The following RTTN variants were observed in gnomAD, a reference collection of about 807,000 sequenced individuals.
The protein encoded by RTTN is rotatin.
A neutral mutation model predicts 269.2 loss-of-function variants in RTTN; 182 were observed. That is an observed-to-expected ratio of 0.68 (90% CI 0.60 to 0.76). The LOEUF is 0.76. Among genes scored for constraint, RTTN ranks in the 30% least tolerant of loss-of-function variants. The pLI is 0.00. For synonymous variants in RTTN, 1,006 were observed against 963.5 expected, an observed-to-expected ratio of 1.04 and a Z score of -0.82; for missense variants, 2,545 against 2,608.6, an observed-to-expected ratio of 0.98 and a Z score of 0.53.
intron 28 of RTTN, among the ~76,000 whole-genome samples, chr18:70,101,748 A>G (rs1233394230): frequency 6.6e-6 from 1 of 152,158 alleles, no homozygotes; most frequent in African/African-American, 2.4e-5. Context: ...ACTGCTTTAA[A>G]TGTGTCCCAG....
intron 10 of RTTN, among the ~76,000 whole-genome samples, chr18:70,180,951 C>A (rs1447120477): frequency 2.0e-5 from 3 of 152,118 alleles, no homozygotes; most frequent in African/African-American, 2.4e-5. Flanking sequence ...TAATAACGGG[C>A]AATCAAGAAA....
At chr18:70,015,126 T>C (rs1380047621) in intron 46 of RTTN, among the ~76,000 whole-genome samples, 2 of 151,912 alleles carry the variant, frequency 1.3e-5, no homozygotes, top group Non-Finnish European at 2.9e-5. Flanking sequence ...TTGCCCAGGC[T>C]GGAGTGCAGT....
intron 32 of RTTN, among the ~76,000 whole-genome samples, chr18:70,080,495 TA>T (rs1379374742): frequency 6.6e-6 from 1 of 152,160 alleles, no homozygotes; most frequent in East Asian, 1.9e-4. Context: ...CAAATAATGA[TA>T]GAAACAGATT....
At chr18:70,123,903 T>C (rs1055758896) in intron 25 of RTTN, among the ~76,000 whole-genome samples, 1 of 151,846 alleles carries the variant, frequency 6.6e-6, no homozygotes, top group Non-Finnish European at 1.5e-5. Flanking sequence ...GGAAAAGCAG[T>C]AGGAAAAGAA....
Position 70,088,172 on chromosome 18 carries a change from T to G in RTTN, c.4144-25A>C, listed in dbSNP as rs758132902. 6 of 1,583,216 alleles carry G rather than the reference T, an allele frequency of 3.8e-6. No homozygotes were observed. The Admixed American group carries it at 9.1e-5, about 24-fold the overall frequency. On this transcript the variant is annotated intron_variant, in intron 30 of 48. Coordinates refer to ENST00000640769, the MANE Select transcript of RTTN (RefSeq NM_173630.4). ...CCTGTTCAAATTAAAGAGAAAGTTGTTGAATCAAATAAGCCTTTTTCCTAA... is the reference window on the plus strand; with the variant it reads ...CCTGTTCAAATTAAAGAGAAAGTTGGTGAATCAAATAAGCCTTTTTCCTAA...
chr18:70,028,943 T>C, intron 42 of RTTN, 142 bp from the exon 43 acceptor site: 2 of 512,026 alleles, frequency 3.9e-6, no homozygotes, highest in Non-Finnish European at 6.9e-6. Context: ...TTGAGGGAAC[T>C]GACAGGCTAA....
At chr18:70,051,623 C>G (rs1282738010) in intron 38 of RTTN, 75 bp from the exon 39 acceptor site, 4 of 1,113,624 alleles carry the variant, frequency 3.6e-6, no homozygotes, top group Non-Finnish European at 1.3e-6. Context: ...TAAAACTTAC[C>G]ACAGACGCTT....
At chr18:70,118,575 C>T (rs991591439) in intron 26 of RTTN, among the ~76,000 whole-genome samples, 2 of 152,092 alleles carry the variant, frequency 1.3e-5, no homozygotes, top group African/African-American at 4.8e-5. Flanking sequence ...TACTTCCAAA[C>T]TCACTTTATG....
Position 70,087,610 on chromosome 18 carries a change from C to T in RTTN, c.4302+379G>A, listed in dbSNP as rs751909010. 2.0e-5 allele frequency among the ~76,000 whole-genome samples: 3 copies of T among 152,068 alleles called. No individual in the cohort carries two copies. In the East Asian group the frequency reaches 5.8e-4, roughly 29 times the overall value. The stretch of plus-strand genomic sequence containing the variant: ...TAAAATAGGGTTTATTTTTCCCTCT[C>T]ATGTTATATGATAAATACTACAAAG... On this transcript the variant is annotated intron_variant, in intron 31 of 48. Coordinates refer to ENST00000640769, the MANE Select transcript of RTTN (RefSeq NM_173630.4).
chr18:70,090,906 A>AGCATT (rs1391332961), intron 30 of RTTN, among the ~76,000 whole-genome samples: 4 of 152,186 alleles, frequency 2.6e-5, no homozygotes, highest in African/African-American at 9.7e-5. Context: ...ATTATCCTTG[A>AGCATT]GCATTAACAT....
chr18:70,090,495 TAA>T (rs2058816302), intron 30 of RTTN, among the ~76,000 whole-genome samples: 1 of 152,166 alleles, frequency 6.6e-6, no homozygotes, highest in Non-Finnish European at 1.5e-5. Context: ...AATGATTACA[TAA>T]AGAGATGAGG....
chr18:70,078,946 G>A (rs1210574912), intron 32 of RTTN, among the ~76,000 whole-genome samples: 1 of 152,138 alleles, frequency 6.6e-6, no homozygotes, highest in Admixed American at 6.6e-5. Context: ...AAACCAGGAA[G>A]AGCAAGTGTG....
chr18:70,070,200 G>C (rs1265109117), intron 34 of RTTN, among the ~76,000 whole-genome samples: 1 of 152,252 alleles, frequency 6.6e-6, no homozygotes, highest in Non-Finnish European at 1.5e-5. Flanking sequence ...CACAGTTCCT[G>C]TGCCATCCTG....
chr18:70,157,851 A>G (rs2060722741), intron 14 of RTTN, among the ~76,000 whole-genome samples: 1 of 152,200 alleles, frequency 6.6e-6, no homozygotes, highest in African/African-American at 2.4e-5. Context: ...GAGGAAAAAA[A>G]TCTCAGAGCT....
At chr18:70,157,330 A>G (rs1028769978) in intron 14 of RTTN, among the ~76,000 whole-genome samples, 19 of 152,344 alleles carry the variant, frequency 1.2e-4, no homozygotes, top group African/African-American at 4.3e-4. Flanking sequence ...CCCCAGGGTT[A>G]GAGCACACAG....
Position 70,193,453 on chromosome 18 carries a change from T to C in RTTN, c.842A>G (p.Asp281Gly), listed in dbSNP as rs2061729528. 1.3e-6 allele frequency: 2 copies of C among 1,502,940 alleles called. No individual in the cohort carries two copies. Among genetic ancestry groups the C allele is most frequent in the African/African-American group, 1.4e-5 (1 of 69,028 alleles). The allele number at this position is 1,502,940 out of a possible 1,614,324, so 93.1% of individuals were successfully genotyped here. Reference sequence around the variant, plus strand: ...CAAAGAAGAATTTTGGGAAACTGTGTCTGGGGAAACAAAGAAAAAATAAAA... The same window carrying C: ...CAAAGAAGAATTTTGGGAAACTGTGCCTGGGGAAACAAAGAAAAAATAAAA... Reference protein sequence around the residue: ...RDPGFFSNKHDTVSQNSSLSY... With the variant: ...RDPGFFSNKHGTVSQNSSLSY... Residue 281 changes from aspartate to glycine, a missense_variant and splice_region_variant, in exon 8 of 49, where the codon GAC becomes GGC. Transcript: ENST00000640769.
intron 11 of RTTN, among the ~76,000 whole-genome samples, chr18:70,171,211 T>C (rs1419580692): frequency 6.6e-6 from 1 of 152,212 alleles, no homozygotes; most frequent in Non-Finnish European, 1.5e-5. Flanking sequence ...TGAGGGCTAC[T>C]GTCAGTCCTG....
Position 70,069,305 on chromosome 18 carries a change from T to C in RTTN, c.4654-3383A>G, listed in dbSNP as rs76744048. Among the ~76,000 whole-genome samples the C allele has an allele frequency of 2.8e-3, 430 of 152,314 alleles. 2 individuals carry two copies. The highest frequency in any genetic ancestry group is 9.9e-3 in the African/African-American group (412 of 41,566). ...ATACATATGTCAAGTAATCTCACTG[T>C]ATATCTCAAATATATACAATTTTAT... On this transcript the variant is annotated intron_variant, in intron 34 of 48. Transcript: ENST00000640769.
chr18:70,030,488 G>T (rs1312462175), intron 41 of RTTN, among the ~76,000 whole-genome samples: 1 of 152,114 alleles, frequency 6.6e-6, no homozygotes, highest in Non-Finnish European at 1.5e-5. Flanking sequence ...AAATTTATAC[G>T]AAAATATGGA....
Sources: allele counts gnomAD v4.1 joint callset (sites outside exome capture counted in the v4.1 genomes callset), GRCh38; gene constraint gnomAD v4.1.1; transcripts MANE v1.5; gene names NCBI Gene and HGNC (gene_info 2026-07-23, HGNC 2026-07-21).